VDAC1: variants seen among roughly 807,000 people sequenced by gnomAD.
VDAC1 encodes non-selective voltage-gated ion channel VDAC1.
Under a neutral mutation model 34.7 loss-of-function variants are expected in VDAC1, and 10 were observed. The ratio of observed to expected loss-of-function variants is 0.29; its 90% CI spans 0.18 to 0.49. VDAC1 has a LOEUF of 0.49. VDAC1 is among the 20% of genes least tolerant of loss of function. VDAC1 has a pLI of 0.99. For synonymous variants in VDAC1, 130 were observed against 136.0 expected, an observed-to-expected ratio of 0.96 and a Z score of 0.30; for missense variants, 230 against 347.9, an observed-to-expected ratio of 0.66 and a Z score of 2.69.
chr5:134,103,645 C>T, the VDAC1 span, among the ~76,000 whole-genome samples: 1 of 152,244 alleles, frequency 6.6e-6, no homozygotes, highest in African/African-American at 2.4e-5. Context: ...CACTGTGAGC[C>T]TGTCTCAGGT....
At chr5:134,105,559 T>C in the VDAC1 span, among the ~76,000 whole-genome samples, 2 of 152,252 alleles carry the variant, frequency 1.3e-5, no homozygotes, top group African/African-American at 4.8e-5. Context: ...AAGAGGTATT[T>C]ACTGGATATC....
the VDAC1 span, among the ~76,000 whole-genome samples, chr5:134,023,242 G>A: frequency 7.9e-5 from 12 of 152,116 alleles, no homozygotes; most frequent in East Asian, 1.9e-4. Context: ...ACCAAACACC[G>A]AATGTTCTCA....
chr5:134,055,597 T>TTG, the VDAC1 span, among the ~76,000 whole-genome samples: 12 of 48,112 alleles, frequency 2.5e-4, no homozygotes, highest in African/African-American at 5.8e-4. Context: ...TGTTTTTTTT[T>TTG]TTTTTTTTTT....
chr5:133,973,366 G>A (rs1019733255), intron 8 of VDAC1, among the ~76,000 whole-genome samples: 2 of 152,204 alleles, frequency 1.3e-5, no homozygotes, highest in African/African-American at 4.8e-5. Flanking sequence ...TTCAAAAGTG[G>A]TTATACACTA....
chr5:134,100,024 C>A, the VDAC1 span, among the ~76,000 whole-genome samples: 3 of 152,254 alleles, frequency 2.0e-5, no homozygotes, highest in African/African-American at 7.2e-5. Flanking sequence ...CCAAACACGC[C>A]CTGTGAGCCC....
At chr5:134,070,062 A>AT in the VDAC1 span, among the ~76,000 whole-genome samples, 2 of 152,080 alleles carry the variant, frequency 1.3e-5, no homozygotes, top group African/African-American at 4.8e-5. Flanking sequence ...TTAGCATGTG[A>AT]TAAAAAAAAA....
At chr5:134,097,330 G>A in the VDAC1 span, among the ~76,000 whole-genome samples, 2 of 152,252 alleles carry the variant, frequency 1.3e-5, no homozygotes, top group Admixed American at 1.3e-4. Context: ...ACTCAGAATG[G>A]AAAACATTCA....
At chr5:134,048,793 T>A in the VDAC1 span, among the ~76,000 whole-genome samples, 1 of 152,116 alleles carries the variant, frequency 6.6e-6, no homozygotes, top group African/African-American at 2.4e-5. Flanking sequence ...AACATATCTG[T>A]GCTCACACTG....
At chr5:133,975,819 A>T in intron 7 of VDAC1, 52 bp downstream of exon 7, 4 of 1,603,342 alleles carry the variant, frequency 2.5e-6, no homozygotes, top group Non-Finnish European at 3.4e-6. Flanking sequence ...GGATTCCAAC[A>T]TAAAGAGCAG....
At chr5:134,063,835 TTATC>T in the VDAC1 span, among the ~76,000 whole-genome samples, 16 of 152,188 alleles carry the variant, frequency 1.1e-4, no homozygotes, top group Middle Eastern at 3.4e-3. Context: ...ATTTACTTAC[TTATC>T]TATTTATTTT....
At chr5:134,033,607 T>C in the VDAC1 span, among the ~76,000 whole-genome samples, 1 of 151,336 alleles carries the variant, frequency 6.6e-6, no homozygotes, top group African/African-American at 2.4e-5. Context: ...TGGCAGTATT[T>C]CACGTACCAA....
At chr5:134,091,294 T>C in the VDAC1 span, among the ~76,000 whole-genome samples, 1 of 152,268 alleles carries the variant, frequency 6.6e-6, no homozygotes, top group South Asian at 2.1e-4. Flanking sequence ...CCTTCCCCCT[T>C]CCTCACTGAA....
chr5:134,102,703 AT>A, the VDAC1 span, among the ~76,000 whole-genome samples: 1 of 152,102 alleles, frequency 6.6e-6, no homozygotes, highest in Non-Finnish European at 1.5e-5. Flanking sequence ...ATTAAATAAT[AT>A]TTTTTTAATT....
intron 6 of VDAC1, among the ~76,000 whole-genome samples, chr5:133,978,470 A>G (rs1580709168): frequency 6.6e-6 from 1 of 152,340 alleles, no homozygotes; most frequent in East Asian, 1.9e-4. Context: ...CGAGACAGAC[A>G]TTATGCTTCT....
intron 5 of VDAC1, among the ~76,000 whole-genome samples, chr5:133,988,005 C>G (rs1030081412): frequency 1.8e-4 from 28 of 152,298 alleles, no homozygotes; most frequent in African/African-American, 6.5e-4. Context: ...TAATTGGCCA[C>G]TCTTTTTCAA....
At chr5:134,045,088 G>A in the VDAC1 span, among the ~76,000 whole-genome samples, 3 of 152,298 alleles carry the variant, frequency 2.0e-5, no homozygotes, top group East Asian at 5.8e-4. Context: ...ATCACATCAC[G>A]GGTCAAAACC....
the VDAC1 span, among the ~76,000 whole-genome samples, chr5:134,038,267 T>C: frequency 6.6e-6 from 1 of 152,104 alleles, no homozygotes; most frequent in Non-Finnish European, 1.5e-5. Context: ...CTGAAAGAAC[T>C]CAGAAAGCAA....
At chr5:133,995,449 GCCC>G (rs1322160189) in intron 1 of VDAC1, among the ~76,000 whole-genome samples, 1 of 151,880 alleles carries the variant, frequency 6.6e-6, no homozygotes, top group Non-Finnish European at 1.5e-5. Flanking sequence ...CCCGTTCTGG[GCCC>G]CCAAGTAAGC....
At chr5:134,088,620 A>C in the VDAC1 span, among the ~76,000 whole-genome samples, 1 of 152,270 alleles carries the variant, frequency 6.6e-6, no homozygotes, top group South Asian at 2.1e-4. Flanking sequence ...AAAAACACTC[A>C]GGAAAAGCAC....
Sources: allele counts gnomAD v4.1 joint callset (sites outside exome capture counted in the v4.1 genomes callset), GRCh38; gene constraint gnomAD v4.1.1; transcripts MANE v1.5; gene names NCBI Gene and HGNC (gene_info 2026-07-23, HGNC 2026-07-21).